GPC5: variants seen among roughly 807,000 people sequenced by gnomAD.
GPC5 encodes glypican-5.
Under a neutral mutation model 53.9 loss-of-function variants are expected in GPC5, and 47 were observed. The observed-to-expected ratio is 0.87, with a 90% confidence interval of 0.69 to 1.11. The LOEUF (loss-of-function observed/expected upper bound fraction) is 1.11. Ranked by LOEUF, GPC5 falls within the 50% of genes most tolerant of loss-of-function variation. The probability of loss-of-function intolerance (pLI) is 0.00; values close to 1 mark genes in which losing one functional copy is unlikely to be tolerated. For missense variants in GPC5, 748 were observed against 713.1 expected (o/e 1.05, Z -0.56); for synonymous variants, 286 against 263.3 (o/e 1.09, Z -0.84).
At chr13:92,283,664 G>A (rs575605437) in intron 7 of GPC5, among the ~76,000 whole-genome samples, 31 of 152,276 alleles carry the variant, frequency 2.0e-4, no homozygotes, top group African/African-American at 7.2e-4. Flanking sequence ...ACAAAATGAA[G>A]GCAGAAATAA....
intron 7 of GPC5, among the ~76,000 whole-genome samples, chr13:92,760,799 C>A (rs955240478): frequency 3.3e-5 from 5 of 151,700 alleles, no homozygotes; most frequent in African/African-American, 9.7e-5. Context: ...TATAAACTTC[C>A]CCCTTAGAAC....
At chr13:92,250,594 G>A (rs2042685580) in intron 7 of GPC5, among the ~76,000 whole-genome samples, 1 of 152,174 alleles carries the variant, frequency 6.6e-6, no homozygotes, top group African/African-American at 2.4e-5. Context: ...GGCTCATCAG[G>A]AATAGCTTGC....
intron 7 of GPC5, among the ~76,000 whole-genome samples, chr13:92,701,150 G>T (rs892597395): frequency 2.0e-5 from 3 of 151,932 alleles, no homozygotes; most frequent in East Asian, 3.9e-4. Flanking sequence ...ATTTATTTTT[G>T]TCATTTTAGG....
At chr13:92,506,721 G>A (rs1439089977) in intron 7 of GPC5, among the ~76,000 whole-genome samples, 1 of 152,078 alleles carries the variant, frequency 6.6e-6, no homozygotes, top group Non-Finnish European at 1.5e-5. Flanking sequence ...TTGTGTCAAG[G>A]CTCCGGGTGA....
At position 92,411,798 on chromosome 13, in the gene GPC5, G is replaced by A. The variant is rs61973584; in HGVS notation, c.1561+266809G>A. Among the ~76,000 whole-genome samples, 1,096 of 152,126 alleles carry A rather than the reference G, an allele frequency of 7.2e-3. 6 individuals are homozygous for A. Among genetic ancestry groups the A allele is most frequent in the Non-Finnish European group, 0.011 (738 of 67,970 alleles). ...ATATAAATCCATATGTAAATTATCC[G>A]CGTCAAATGTAGGTATCAAAATAGA... On this transcript the variant is annotated intron_variant, in intron 7 of 7. Transcript: ENST00000377067.
intron 6 of GPC5, among the ~76,000 whole-genome samples, chr13:92,115,010 T>C (rs1226211221): frequency 6.6e-6 from 1 of 152,234 alleles, no homozygotes; most frequent in Non-Finnish European, 1.5e-5. Context: ...TATTACTTGC[T>C]AAAGTATATA....
At chr13:91,731,956 C>A (rs2036708587) in intron 4 of GPC5, among the ~76,000 whole-genome samples, 1 of 152,080 alleles carries the variant, frequency 6.6e-6, no homozygotes, top group South Asian at 2.1e-4. Flanking sequence ...ATATTGATTC[C>A]ATGTATTTGC....
chr13:92,604,587 A>T (rs1884189534), intron 7 of GPC5, among the ~76,000 whole-genome samples: 1 of 152,194 alleles, frequency 6.6e-6, no homozygotes, highest in Non-Finnish European at 1.5e-5. Context: ...TTAATTTCAG[A>T]CCCAGTTTTA....
At chr13:91,446,892 G>A (rs1055406166) in intron 1 of GPC5, among the ~76,000 whole-genome samples, 1 of 152,222 alleles carries the variant, frequency 6.6e-6, no homozygotes, top group African/African-American at 2.4e-5. Flanking sequence ...CTGCATGCGC[G>A]CATGAGAACA....
intron 3 of GPC5, among the ~76,000 whole-genome samples, chr13:91,719,695 A>C (rs1412730506): frequency 6.6e-6 from 1 of 152,254 alleles, no homozygotes; most frequent in African/African-American, 2.4e-5. Flanking sequence ...GGAAAAAGAC[A>C]GCTAATATAA....
intron 1 of GPC5, among the ~76,000 whole-genome samples, chr13:91,410,113 C>T (rs1479034566): frequency 6.6e-6 from 1 of 152,156 alleles, no homozygotes; most frequent in Non-Finnish European, 1.5e-5. Flanking sequence ...TAGCAAATGA[C>T]CCAACCTCTC....
intron 7 of GPC5, among the ~76,000 whole-genome samples, chr13:92,675,965 G>A (rs1053445293): frequency 1.3e-5 from 2 of 152,186 alleles, no homozygotes; most frequent in East Asian, 1.9e-4. Flanking sequence ...ACAAAACCAC[G>A]TATATCCTCC....
At chr13:91,524,037 T>C (rs1322302521) in intron 2 of GPC5, among the ~76,000 whole-genome samples, 2 of 152,002 alleles carry the variant, frequency 1.3e-5, no homozygotes, top group African/African-American at 4.8e-5. Context: ...ATAATAAATA[T>C]AAATACATTT....
At chr13:91,766,582 G>C (rs1014256887) in intron 5 of GPC5, among the ~76,000 whole-genome samples, 3 of 152,188 alleles carry the variant, frequency 2.0e-5, no homozygotes, top group African/African-American at 7.2e-5. Context: ...TGTGGGTAAG[G>C]CCGGGCGCGG....
At chr13:91,948,196 C>A (rs1477781817) in intron 6 of GPC5, among the ~76,000 whole-genome samples, 1 of 147,814 alleles carries the variant, frequency 6.8e-6, no homozygotes, top group Non-Finnish European at 1.5e-5. Context: ...CCACTGCATT[C>A]CAGCCTGGGC....
chr13:92,768,450 C>G (rs1471800237), intron 7 of GPC5, among the ~76,000 whole-genome samples: 3 of 152,018 alleles, frequency 2.0e-5, no homozygotes, highest in African/African-American at 4.8e-5. Flanking sequence ...CACTGTGCTC[C>G]TTTGAAATTC....
At chr13:92,482,077 G>A in intron 7 of GPC5, among the ~76,000 whole-genome samples, 1 of 151,920 alleles carries the variant, frequency 6.6e-6, no homozygotes, top group East Asian at 1.9e-4. Flanking sequence ...GTTGCAGTGA[G>A]CCGAGATCGC....
intron 2 of GPC5, among the ~76,000 whole-genome samples, chr13:91,604,367 G>C (rs1336653114): frequency 6.6e-6 from 1 of 150,942 alleles, no homozygotes; most frequent in Non-Finnish European, 1.5e-5. Context: ...GGACATTTGG[G>C]TTGGTTCCAA....
At chr13:91,932,917 G>A (rs943817955) in intron 6 of GPC5, among the ~76,000 whole-genome samples, 2 of 151,896 alleles carry the variant, frequency 1.3e-5, no homozygotes, top group African/African-American at 2.4e-5. Flanking sequence ...AAATACAGAT[G>A]GGAGGGTTTG....
Sources: gnomAD v4.1 joint callset for allele counts (sites outside exome capture counted in the v4.1 genomes callset) on GRCh38, gnomAD v4.1.1 for gene constraint, MANE v1.5 for transcripts, NCBI Gene and HGNC (gene_info 2026-07-23, HGNC 2026-07-21) for gene names.